The following SESTD1 variants were observed in gnomAD, a reference collection of about 807,000 sequenced individuals.
SESTD1 encodes SEC14 domain and spectrin repeat-containing protein 1.
A neutral mutation model predicts 101.7 loss-of-function variants in SESTD1; 43 were observed. The ratio of observed to expected loss-of-function variants is 0.42; its 90% confidence interval spans 0.33 to 0.55. The LOEUF is 0.55. Ranked by LOEUF, SESTD1 falls within the 20% of genes least tolerant of loss-of-function variation. SESTD1 has a pLI of 0.07. For synonymous variants in SESTD1, 283 were observed against 286.8 expected (o/e 0.99, Z 0.13); for missense variants, 647 against 815.1 (o/e 0.79, Z 2.51).
chr2:179,244,094 G>T (rs897549253), intron 1 of SESTD1, among the ~76,000 whole-genome samples: 1 of 151,192 alleles, frequency 6.6e-6, no homozygotes, highest in Non-Finnish European at 1.5e-5. Flanking sequence ...CTACATTACA[G>T]CCTGGGTGAC....
intron 1 of SESTD1, among the ~76,000 whole-genome samples, chr2:179,206,053 TAAAC>T (rs1415169902): frequency 7.5e-6 from 1 of 133,120 alleles, no homozygotes; most frequent in African/African-American, 3.0e-5. Context: ...ATGTACAAAA[TAAAC>T]AACGGAAAAA....
intron 9 of SESTD1, among the ~76,000 whole-genome samples, chr2:179,140,460 A>G (rs894871856): frequency 2.6e-5 from 4 of 152,130 alleles, no homozygotes; most frequent in Non-Finnish European, 5.9e-5. Flanking sequence ...TCAAGGAGAG[A>G]GGCTGGAACA....
intron 2 of SESTD1, among the ~76,000 whole-genome samples, chr2:179,184,836 TA>T (rs1225297554): frequency 6.9e-6 from 1 of 145,092 alleles, no homozygotes; most frequent in Non-Finnish European, 1.5e-5. Context: ...CTTTAGAAGA[TA>T]AATTTAACAT....
At chr2:179,111,574 C>G (rs17363197) in intron 17 of SESTD1, among the ~76,000 whole-genome samples, 1 of 152,168 alleles carries the variant, frequency 6.6e-6, no homozygotes, top group East Asian at 1.9e-4. Flanking sequence ...ACTCATCACA[C>G]TATACCACAA....
At chr2:179,199,711 A>T (rs1358152468) in intron 1 of SESTD1, among the ~76,000 whole-genome samples, 3 of 152,230 alleles carry the variant, frequency 2.0e-5, no homozygotes, top group African/African-American at 7.2e-5. Flanking sequence ...AAACCACATG[A>T]TTATTTCAAT....
chr2:179,203,449 G>A (rs1013225198), intron 1 of SESTD1, among the ~76,000 whole-genome samples: 1 of 132,544 alleles, frequency 7.5e-6, no homozygotes. Flanking sequence ...GAGGGGAACA[G>A]TTCAGAGAGC....
chr2:179,243,606 A>G (rs2047185778), intron 1 of SESTD1, among the ~76,000 whole-genome samples: 1 of 152,214 alleles, frequency 6.6e-6, no homozygotes, highest in Non-Finnish European at 1.5e-5. Flanking sequence ...AGTCCTTTGC[A>G]GCAATATGGA....
intron 1 of SESTD1, among the ~76,000 whole-genome samples, chr2:179,262,097 T>G (rs2047490884): frequency 6.6e-6 from 1 of 152,164 alleles, no homozygotes; most frequent in Non-Finnish European, 1.5e-5. Flanking sequence ...AGCATTATGT[T>G]AAGTGAAAGA....
At chr2:179,150,502 A>T (rs1343104875) in intron 6 of SESTD1, among the ~76,000 whole-genome samples, 1 of 152,004 alleles carries the variant, frequency 6.6e-6, no homozygotes, top group Non-Finnish European at 1.5e-5. Flanking sequence ...TGAAAATGGT[A>T]TAGCAACTAG....
At chr2:179,184,152 A>G (rs1212331094) in intron 2 of SESTD1, among the ~76,000 whole-genome samples, 1 of 152,170 alleles carries the variant, frequency 6.6e-6, no homozygotes, top group Non-Finnish European at 1.5e-5. Flanking sequence ...CAGTGTGCCA[A>G]AAGTATAATG....
intron 13 of SESTD1, 136 bp downstream of exon 13, chr2:179,121,634 C>A: frequency 1.7e-6 from 1 of 578,652 alleles, no homozygotes. Flanking sequence ...GTAATTATCA[C>A]ATTCACCAAA....
intron 2 of SESTD1, among the ~76,000 whole-genome samples, chr2:179,183,693 C>A (rs2046158016): frequency 6.6e-6 from 1 of 151,868 alleles, no homozygotes; most frequent in Non-Finnish European, 1.5e-5. Flanking sequence ...AAAAACAGAG[C>A]TGGGGGTATT....
chr2:179,153,808 T>C (rs1203207754), intron 5 of SESTD1, among the ~76,000 whole-genome samples: 1 of 152,178 alleles, frequency 6.6e-6, no homozygotes, highest in Non-Finnish European at 1.5e-5. Context: ...AGGCTTCCAC[T>C]GACCAAATAT....
intron 1 of SESTD1, among the ~76,000 whole-genome samples, chr2:179,242,571 A>G (rs1387028054): frequency 6.6e-6 from 1 of 152,230 alleles, no homozygotes; most frequent in Non-Finnish European, 1.5e-5. Flanking sequence ...ACAATACTAT[A>G]AGGCTACAGT....
rs537109065 is a variant in SESTD1 at position 179,102,347 on chromosome 2, A to T, written c.*7552T>A. On this transcript the variant is annotated 3_prime_UTR_variant, in exon 18 of 18. Coordinates refer to ENST00000428443, the MANE Select transcript of SESTD1 (RefSeq NM_178123.5). Reference sequence around the variant, plus strand: ...TGTTAGAAACAATTTAAACCTTTACAAAAAATAACTCAAATTGATTCAAAG... The same window carrying T: ...TGTTAGAAACAATTTAAACCTTTACTAAAAATAACTCAAATTGATTCAAAG... 2 of 152,278 alleles carry T rather than the reference A, an allele frequency of 1.3e-5. No homozygotes were observed. Among genetic ancestry groups the T allele is most frequent in the South Asian group, 4.1e-4 (2 of 4,830 alleles). 9.4% of individuals were successfully genotyped at this position (152,278 alleles called of 1,614,324 possible). A position where few individuals can be genotyped will look rare whatever the true frequency, so the allele number is the denominator to read the frequency against.
intron 2 of SESTD1, among the ~76,000 whole-genome samples, chr2:179,190,788 A>G (rs566312379): frequency 6.6e-6 from 1 of 152,212 alleles, no homozygotes; most frequent in East Asian, 1.9e-4. Flanking sequence ...CACATCACAG[A>G]TAATCACAGG....
chr2:179,207,514 G>A (rs1156729846), intron 1 of SESTD1, among the ~76,000 whole-genome samples: 1 of 135,122 alleles, frequency 7.4e-6, no homozygotes, highest in East Asian at 2.0e-4. Flanking sequence ...ACCTGAGCAG[G>A]TGCTGATAAC....
chr2:179,166,416 C>A (rs2045835825), intron 5 of SESTD1, among the ~76,000 whole-genome samples: 1 of 151,996 alleles, frequency 6.6e-6, no homozygotes, highest in African/African-American at 2.4e-5. Flanking sequence ...ATCCTGCTGA[C>A]CTTAGAGGAC....
Position 179,233,645 on chromosome 2 carries a change from G to A in SESTD1, c.-26+30854C>T, listed in dbSNP as rs139750878. On this transcript the variant is annotated intron_variant, in intron 1 of 17. Coordinates refer to ENST00000428443, the MANE Select transcript of SESTD1 (RefSeq NM_178123.5). ...ATTTTTGTATTTTTAGTAGAGACAGGGTTTCACCATGTTGGCCAGGCTTGT... is the reference window on the plus strand; with the variant it reads ...ATTTTTGTATTTTTAGTAGAGACAGAGTTTCACCATGTTGGCCAGGCTTGT... 1.9e-4 allele frequency among the ~76,000 whole-genome samples: 29 copies of A among 152,238 alleles called. No individual in the cohort carries two copies. The East Asian group carries it at 5.6e-3, about 29-fold the overall frequency.
Sources: gnomAD v4.1 joint callset for allele counts (sites outside exome capture counted in the v4.1 genomes callset) on GRCh38, gnomAD v4.1.1 for gene constraint, MANE v1.5 for transcripts, NCBI Gene and HGNC (gene_info 2026-07-23, HGNC 2026-07-21) for gene names.